MDGA2: variants seen among roughly 807,000 people sequenced by gnomAD.
MDGA2 encodes the protein MAM domain containing glycosylphosphatidylinositol anchor 2, also known as MAM domain-containing glycosylphosphatidylinositol anchor protein 2.
A neutral mutation model predicts 117.8 loss-of-function variants in MDGA2; 40 were observed. That is an observed-to-expected ratio of 0.34 (90% CI 0.26 to 0.44). The LOEUF is 0.44. Ranked by LOEUF, MDGA2 falls within the 20% of genes least tolerant of loss-of-function variation. MDGA2 has a pLI of 1.00. For synonymous variants in MDGA2, 452 were observed against 439.0 expected (o/e 1.03, Z -0.37); for missense variants, 1,123 against 1,250.6 (o/e 0.90, Z 1.54).
intron 5 of MDGA2, among the ~76,000 whole-genome samples, chr14:47,108,532 C>T (rs1880857288): frequency 6.8e-6 from 1 of 148,112 alleles, no homozygotes; most frequent in South Asian, 2.1e-4. Flanking sequence ...CTCATCCTGG[C>T]TCAAAAAGCA....
intron 1 of MDGA2, among the ~76,000 whole-genome samples, chr14:47,536,469 A>C (rs1895212841): frequency 6.6e-6 from 1 of 152,240 alleles, no homozygotes; most frequent in Non-Finnish European, 1.5e-5. Flanking sequence ...TTGCTGCAGC[A>C]GATGGGAGTT....
intron 12 of MDGA2, among the ~76,000 whole-genome samples, chr14:46,877,065 CAATT>C (rs1339216303): frequency 2.0e-5 from 3 of 151,554 alleles, no homozygotes; most frequent in Non-Finnish European, 3.0e-5. Flanking sequence ...AAGAAAGTCT[CAATT>C]AAACCCATCA....
chr14:47,187,691 C>T (rs568037752), intron 3 of MDGA2, among the ~76,000 whole-genome samples: 4 of 152,176 alleles, frequency 2.6e-5, no homozygotes, highest in African/African-American at 9.6e-5. Context: ...ATGAACAATG[C>T]ACTTTCCAAC....
chr14:47,462,619 C>T (rs1331082681), intron 1 of MDGA2, among the ~76,000 whole-genome samples: 1 of 152,102 alleles, frequency 6.6e-6, no homozygotes, highest in African/African-American at 2.4e-5. Flanking sequence ...ACAACTTCCA[C>T]CTAAGAGTCG....
At chr14:47,275,169 C>A (rs1888270303) in intron 2 of MDGA2, among the ~76,000 whole-genome samples, 1 of 152,098 alleles carries the variant, frequency 6.6e-6, no homozygotes, top group South Asian at 2.1e-4. Context: ...TAAGAAGGAA[C>A]AAATCAAGAA....
At chr14:47,092,171 G>T (rs1273675232) in intron 6 of MDGA2, among the ~76,000 whole-genome samples, 1 of 152,126 alleles carries the variant, frequency 6.6e-6, no homozygotes, top group Non-Finnish European at 1.5e-5. Flanking sequence ...GACATGTGTG[G>T]TAGCAGTGAA....
chr14:47,510,858 T>C (rs1894624355), intron 1 of MDGA2, among the ~76,000 whole-genome samples: 2 of 152,204 alleles, frequency 1.3e-5, no homozygotes, highest in African/African-American at 4.8e-5. Context: ...GCAGTTGTCA[T>C]TTACTCAGCC....
chr14:47,183,929 T>C (rs1202269462), intron 3 of MDGA2, among the ~76,000 whole-genome samples: 1 of 152,038 alleles, frequency 6.6e-6, no homozygotes, highest in Non-Finnish European at 1.5e-5. Context: ...TCTGACATAG[T>C]TCTTGAGGTC....
chr14:47,353,124 A>T (rs1890920345), intron 1 of MDGA2, among the ~76,000 whole-genome samples: 1 of 152,030 alleles, frequency 6.6e-6, no homozygotes, highest in Non-Finnish European at 1.5e-5. Flanking sequence ...TGTTACTAGC[A>T]AGCATGTTCT....
chr14:47,206,370 C>T (rs1224423778), intron 3 of MDGA2, among the ~76,000 whole-genome samples: 1 of 151,810 alleles, frequency 6.6e-6, no homozygotes, highest in East Asian at 1.9e-4. Flanking sequence ...GCAGCAGAAT[C>T]TCTTGAGTCC....
intron 2 of MDGA2, among the ~76,000 whole-genome samples, chr14:47,235,659 G>A (rs1356404519): frequency 6.6e-6 from 1 of 152,202 alleles, no homozygotes; most frequent in Non-Finnish European, 1.5e-5. Flanking sequence ...AAAATGTGAG[G>A]AAATGCAAAG....
intron 1 of MDGA2, among the ~76,000 whole-genome samples, chr14:47,446,221 A>C (rs1006340795): frequency 2.5e-4 from 38 of 152,286 alleles, no homozygotes; most frequent in Non-Finnish European, 3.5e-4. Context: ...ACAAAGCAAA[A>C]ACATCTTGGG....
intron 1 of MDGA2, among the ~76,000 whole-genome samples, chr14:47,610,803 A>C (rs943297772): frequency 3.3e-5 from 5 of 152,158 alleles, no homozygotes; most frequent in Non-Finnish European, 2.9e-5. Flanking sequence ...CTACAAATTC[A>C]ATGCAATCCC....
chr14:47,425,136 T>C (rs757801193), intron 1 of MDGA2, among the ~76,000 whole-genome samples: 1 of 152,172 alleles, frequency 6.6e-6, no homozygotes, highest in Non-Finnish European at 1.5e-5. Flanking sequence ...CCATAATCCC[T>C]GGTGTATTTC....
At position 47,266,572 on chromosome 14, in the gene MDGA2, T is replaced by A. The variant is rs562480414; in HGVS notation, c.420+34839A>T. On this transcript the variant is annotated intron_variant, in intron 2 of 16. Coordinates refer to ENST00000399232, the MANE Select transcript of MDGA2 (RefSeq NM_001113498.3). ...GATTCTGTCAATATCTTAATTAAAATATTTCAGAGAGGACTCAACTCCAAA... is the reference window on the plus strand; with the variant it reads ...GATTCTGTCAATATCTTAATTAAAAAATTTCAGAGAGGACTCAACTCCAAA... 5.9e-5 allele frequency among the ~76,000 whole-genome samples: 9 copies of A among 152,288 alleles called. No homozygotes were observed. The South Asian group carries it at 1.9e-3, about 32-fold the overall frequency.
At chr14:46,988,882 C>A (rs939420501) in intron 8 of MDGA2, among the ~76,000 whole-genome samples, 4 of 151,808 alleles carry the variant, frequency 2.6e-5, no homozygotes, top group Non-Finnish European at 4.4e-5. Flanking sequence ...GCAACAGAAT[C>A]CCATGTGTTC....
intron 1 of MDGA2, among the ~76,000 whole-genome samples, chr14:47,669,544 C>A (rs1201223735): frequency 6.6e-6 from 1 of 152,080 alleles, no homozygotes. Context: ...TGTGAAATCT[C>A]AGTAATATGA....
intron 10 of MDGA2, among the ~76,000 whole-genome samples, chr14:46,898,825 A>T (rs1194670890): frequency 1.3e-5 from 2 of 152,116 alleles, no homozygotes; most frequent in East Asian, 3.8e-4. Context: ...AAAGGGTGTC[A>T]ATCTTTTTAA....
intron 10 of MDGA2, among the ~76,000 whole-genome samples, chr14:46,906,465 G>A (rs1302982441): frequency 6.6e-6 from 1 of 152,000 alleles, no homozygotes; most frequent in African/African-American, 2.4e-5. Context: ...GAAACACTGA[G>A]CCTTGTCATT....
Sources: allele counts gnomAD v4.1 joint callset (sites outside exome capture counted in the v4.1 genomes callset), GRCh38; gene constraint gnomAD v4.1.1; transcripts MANE v1.5; gene names NCBI Gene and HGNC (gene_info 2026-07-23, HGNC 2026-07-21).